The following ADGRE5 variants were observed in gnomAD, a reference collection of about 807,000 sequenced individuals.
ADGRE5 encodes the protein adhesion G protein-coupled receptor E5.
ADGRE5 carries 72 observed loss-of-function variants against 100.3 expected under a neutral mutation model. That is an observed-to-expected ratio of 0.72 (90% CI 0.59 to 0.87). The LOEUF (loss-of-function observed/expected upper bound fraction) is 0.87. ADGRE5 is among the 40% of genes least tolerant of loss of function. ADGRE5 has a pLI of 0.00. For missense variants in ADGRE5, 959 were observed against 1,094.7 expected, an observed-to-expected ratio of 0.88 and a Z score of 1.75; for synonymous variants, 439 against 447.8, an observed-to-expected ratio of 0.98 and a Z score of 0.25.
chr19:14,398,973 C>G (rs542491672), intron 9 of ADGRE5, among the ~76,000 whole-genome samples: 60 of 151,824 alleles, frequency 4.0e-4, no homozygotes, highest in African/African-American at 1.4e-3. Context: ...TCCCAAGTAG[C>G]TGGGACCAAA....
chr19:14,402,933 G>C, intron 12 of ADGRE5, 71 bp downstream of exon 12: 6 of 1,507,906 alleles, frequency 4.0e-6, no homozygotes, highest in Non-Finnish European at 5.5e-6. Flanking sequence ...CTCTCTCTGG[G>C]ATGCTCTTTC....
At chr19:14,395,135 T>C (rs1274519285) in intron 4 of ADGRE5, among the ~76,000 whole-genome samples, 1 of 151,980 alleles carries the variant, frequency 6.6e-6, no homozygotes, top group African/African-American at 2.4e-5. Flanking sequence ...ACCCTGTCTG[T>C]ACTAAAAATA....
At chr19:14,398,356 A>G in intron 9 of ADGRE5, 1 of 567,470 alleles carries the variant, frequency 1.8e-6, no homozygotes, top group East Asian at 3.0e-5. Context: ...TATAATGGCA[A>G]CAGAGTGCAG....
chr19:14,396,175 A>G (rs1975767930), intron 4 of ADGRE5, 167 bp from the exon 5 acceptor site: 1 of 1,251,256 alleles, frequency 8.0e-7, no homozygotes, highest in African/African-American at 1.5e-5. Flanking sequence ...TGGACAACAG[A>G]AGGACTGAGC....
chr19:14,387,184 C>T (rs1372156917), intron 1 of ADGRE5, among the ~76,000 whole-genome samples: 1 of 152,108 alleles, frequency 6.6e-6, no homozygotes, highest in Non-Finnish European at 1.5e-5. Flanking sequence ...GAGAGGCCCA[C>T]TGTCTGGGAT....
Position 14,388,695 on chromosome 19 carries a change from C to T in ADGRE5, c.74-7C>T, listed in dbSNP as rs772068369. The T allele has an allele frequency of 1.5e-5, 24 of 1,613,282 alleles. No homozygotes were observed. In the East Asian group the frequency reaches 4.9e-4, roughly 33 times the overall value. On this transcript the variant is annotated splice_region_variant and splice_polypyrimidine_tract_variant and intron_variant, in intron 2 of 19. Transcript: ENST00000242786. ...TCACCTTCTGACCGTGCTCCCTGCTCTTGCAGGCTGTGCCCGGTGGTGCCC... is the reference window on the plus strand; with the variant it reads ...TCACCTTCTGACCGTGCTCCCTGCTTTTGCAGGCTGTGCCCGGTGGTGCCC...
At chr19:14,404,625 G>A (rs1976145528) in intron 13 of ADGRE5, 63 bp downstream of exon 13, 4 of 1,508,898 alleles carry the variant, frequency 2.7e-6, no homozygotes, top group Non-Finnish European at 3.6e-6. Flanking sequence ...AACCAGACAG[G>A]CAGCTAGTTC....
In ADGRE5 at chr19:14,401,452, G is replaced by A; in HGVS notation, c.964G>A (p.Val322Ile). 1 of 1,614,150 alleles carries A rather than the reference G, an allele frequency of 6.2e-7. No homozygotes were observed. Among genetic ancestry groups the A allele is most frequent in the Non-Finnish European group, 8.5e-7 (1 of 1,180,024 alleles). The part of the protein sequence containing the change: ...PGDVEALAPP[V>I]RHLIATQLLS... ...AGACGTAGAGGCCCTGGCGCCACCT[G>A]TCCGGCACCTCATAGCCACCCAGCT... is the stretch of plus-strand genomic sequence containing the variant. Residue 322 changes from valine to isoleucine, a missense_variant, in exon 10 of 20, where the codon GTC becomes ATC. Around this residue, in one of 6 missense-constraint regions of ADGRE5, gnomAD observed 246 missense variants for 242.2 expected, o/e 1.02. Coordinates refer to ENST00000242786, the MANE Select transcript of ADGRE5 (RefSeq NM_078481.4). The surrounding 1 kb of genome is among the most constrained non-coding windows in gnomAD (Gnocchi z 4.1).
At chr19:14,404,275 C>G in intron 12 of ADGRE5, 108 bp from the exon 13 acceptor site, 1 of 979,114 alleles carries the variant, frequency 1.0e-6, no homozygotes. Flanking sequence ...AGTAGGCGCT[C>G]GGTCAATACT....
chr19:14,381,497 C>T lies in ADGRE5; in HGVS notation c.-27C>T. ...AGCCCTGTCCCACTCACTCTTTCCC[C>T]TGCCGCTCCTGCCGGCAGCTCCAAC... On this transcript the variant is annotated 5_prime_UTR_variant, in exon 1 of 20. Coordinates refer to ENST00000242786, the MANE Select transcript of ADGRE5 (RefSeq NM_078481.4). 6.2e-7 allele frequency: 1 copy of T among 1,610,402 alleles called. No individual in the cohort carries two copies. The highest frequency in any genetic ancestry group is 1.1e-5 in the South Asian group (1 of 90,988).
intron 3 of ADGRE5, 69 bp downstream of exon 3, chr19:14,388,887 A>T: frequency 6.9e-7 from 1 of 1,446,998 alleles, no homozygotes; most frequent in South Asian, 1.1e-5. Flanking sequence ...AGTGGGGGAC[A>T]GAGGTTGTTG....
intron 4 of ADGRE5, 131 bp downstream of exon 4, chr19:14,391,210 C>A: frequency 1.7e-6 from 2 of 1,152,022 alleles, no homozygotes; most frequent in Non-Finnish European, 2.5e-6. Flanking sequence ...GGGACAGGTG[C>A]ACATGTACCT....
chr19:14,389,413 CAGGA>C (rs1260286307), intron 3 of ADGRE5, among the ~76,000 whole-genome samples: 2 of 80,574 alleles, frequency 2.5e-5, no homozygotes, highest in Middle Eastern at 6.3e-3. Flanking sequence ...GGAAAGGAGG[CAGGA>C]AGGAAGGAAG....
chr19:14,396,119 G>C, intron 4 of ADGRE5: 1 of 688,864 alleles, frequency 1.5e-6, no homozygotes, highest in Non-Finnish European at 2.3e-6. Flanking sequence ...GAGCTGCCCA[G>C]GAAGGCAGAG....
chr19:14,381,809 G>A (rs1364573699), intron 1 of ADGRE5, among the ~76,000 whole-genome samples: 1 of 152,104 alleles, frequency 6.6e-6, no homozygotes, highest in African/African-American at 2.4e-5. Flanking sequence ...GAGCCAGTCT[G>A]GCATCTGCTC....
intron 6 of ADGRE5, 61 bp from the exon 7 acceptor site, chr19:14,397,597 A>G: frequency 6.2e-7 from 1 of 1,606,096 alleles, no homozygotes; most frequent in Non-Finnish European, 8.5e-7. Context: ...GGGGGCACAG[A>G]CAGGAGACAG....
rs1437135758 is a variant in ADGRE5, at chr19:14,401,543, A to G, written c.1055A>G (p.Tyr352Cys). 1 of 1,614,122 alleles carries G rather than the reference A, an allele frequency of 6.2e-7. No homozygotes were observed. The highest frequency in any genetic ancestry group is 8.5e-7 in the Non-Finnish European group (1 of 1,179,988). ...AKSLPKGPFT[Y>C]ISPSNTELTL... Reference sequence around the variant, plus strand: ...AGCCTGCCTAAAGGCCCCTTCACCTACATTTCCCCTTCGAACACAGGTGAG... The same window carrying G: ...AGCCTGCCTAAAGGCCCCTTCACCTGCATTTCCCCTTCGAACACAGGTGAG... The change falls in exon 10 of 20, where the codon TAC becomes TGC. Residue 352 changes from tyrosine to cysteine, a missense_variant. Tyr to Cys is a radical substitution (Grantham distance 194). Around this residue, in one of 6 missense-constraint regions of ADGRE5, gnomAD observed 246 missense variants for 242.2 expected, o/e 1.02. Coordinates refer to ENST00000242786, the MANE Select transcript of ADGRE5 (RefSeq NM_078481.4). This position sits in a 1 kb window ranked among gnomAD's most constrained non-coding sequence, Gnocchi z 4.1.
chr19:14,404,083 T>C (rs1375790249), intron 12 of ADGRE5, among the ~76,000 whole-genome samples: 6 of 152,042 alleles, frequency 3.9e-5, no homozygotes, highest in Non-Finnish European at 7.4e-5. Context: ...TTCGCCATGT[T>C]GGCCAGGCTG....
intron 4 of ADGRE5, among the ~76,000 whole-genome samples, chr19:14,394,748 C>A (rs1975714661): frequency 1.3e-5 from 2 of 152,116 alleles, no homozygotes; most frequent in Admixed American, 1.3e-4. Flanking sequence ...CCACACCTAC[C>A]ATAATGAACC....
Sources: gnomAD v4.1 joint callset for allele counts (sites outside exome capture counted in the v4.1 genomes callset) on GRCh38, gnomAD v4.1.1 for gene constraint, gnomAD v4.1.1 regional missense constraint, Gnocchi (gnomAD v3.1) non-coding constraint, MANE v1.5 for transcripts, NCBI Gene and HGNC (gene_info 2026-07-23, HGNC 2026-07-21) for gene names.